The following TTC34 variants were observed in gnomAD, a reference collection of about 807,000 sequenced individuals.
TTC34 encodes tetratricopeptide repeat protein 34.
In TTC34, 44 loss-of-function variants were observed where a neutral mutation model predicts 40.7. That is an observed-to-expected ratio of 1.08 (90% CI 0.85 to 1.39). The LOEUF (loss-of-function observed/expected upper bound fraction) is 1.39, where lower values mean the gene tolerates loss of function less well. Among genes scored for constraint, TTC34 ranks in the 40% most tolerant of loss-of-function variants. TTC34 has a pLI of 0.00. For missense variants in TTC34, 884 were observed against 838.0 expected (o/e 1.05, Z -0.68); for synonymous variants, 422 against 398.6 (o/e 1.06, Z -0.70).
At chr1:2,655,519 G>C (rs1307490581) in intron 6 of TTC34, among the ~76,000 whole-genome samples, 3 of 145,168 alleles carry the variant, frequency 2.1e-5, no homozygotes, top group African/African-American at 2.6e-5. Context: ...TGACAGGCTG[G>C]AGCAGCACGC....
In TTC34 at chr1:2,750,527, C is replaced by G. The variant is rs1641281237; in HGVS notation, c.2226+33082G>C. Among the ~76,000 whole-genome samples the G allele has an allele frequency of 5.6e-5, 8 of 143,256 alleles. 2 individuals are homozygous for G. The highest frequency in any genetic ancestry group is 1.3e-4 in the African/African-American group (5 of 37,042). The allele number at this position is 143,256 out of a possible 152,430, so 94.0% of individuals were successfully genotyped here. On this transcript the variant is annotated intron_variant, in intron 6 of 8. Coordinates refer to ENST00000401095, the Ensembl canonical transcript of TTC34. ...ACAGCCTGGATCAGCACCCACATCC[C>G]CAAGCGAGCATCCGACAGCCTGGGG...
At chr1:2,651,509 C>A (rs530322013) in intron 6 of TTC34, among the ~76,000 whole-genome samples, 4 of 152,090 alleles carry the variant, frequency 2.6e-5, no homozygotes, top group South Asian at 4.1e-4. Context: ...CCTAGAATGG[C>A]ACCACCACAC....
intron 2 of TTC34, among the ~76,000 whole-genome samples, chr1:2,799,701 G>A (rs1311154329): frequency 6.6e-6 from 1 of 152,068 alleles, no homozygotes; most frequent in Admixed American, 6.5e-5. Context: ...AGTCGCCCTG[G>A]CCCCCTCAGT....
chr1:2,760,193 C>T (rs1641650836), intron 6 of TTC34, among the ~76,000 whole-genome samples: 2 of 124,670 alleles, frequency 1.6e-5, no homozygotes, highest in Non-Finnish European at 3.2e-5. Flanking sequence ...CCCGGAGCAG[C>T]ACCCATACCC....
chr1:2,756,930 T>C (rs1439184885), intron 6 of TTC34, among the ~76,000 whole-genome samples: 1 of 59,824 alleles, frequency 1.7e-5, no homozygotes, highest in African/African-American at 4.2e-5. Flanking sequence ...TCTGACAGCC[T>C]GGAACAGAAC....
Position 2,796,217 on chromosome 1 carries a change from G to A in TTC34, c.784+3827C>T, listed in dbSNP as rs57136100. Among the ~76,000 whole-genome samples, 2,588 of 152,278 alleles carry A rather than the reference G, an allele frequency of 0.017. 60 individuals carry two copies. The highest frequency in any genetic ancestry group is 0.058 in the African/African-American group (2,407 of 41,558). On this transcript the variant is annotated intron_variant, in intron 2 of 8. Transcript: ENST00000401095. This position sits in a 1 kb window ranked among gnomAD's most constrained non-coding sequence, Gnocchi z 4.5. ...CTACTCATTATGGATCACCCAGCCCGTGGCATTCTGTCACAGCAGCACAAA... is the reference window on the plus strand; with the variant it reads ...CTACTCATTATGGATCACCCAGCCCATGGCATTCTGTCACAGCAGCACAAA...
intron 6 of TTC34, among the ~76,000 whole-genome samples, chr1:2,686,970 G>GTGCGCGTGTGATGGTCCGGAGCAACA (rs1640388397): frequency 1.4e-5 from 2 of 141,502 alleles, no homozygotes; most frequent in African/African-American, 5.5e-5. Flanking sequence ...ACACTGCCAG[G>GTGCGCGTGTGATGGTCCGGAGCAACA]CGAGCATCCG....
intron 2 of TTC34, among the ~76,000 whole-genome samples, chr1:2,793,407 T>A (rs1441659683): frequency 1.3e-5 from 2 of 152,234 alleles, no homozygotes; most frequent in African/African-American, 4.8e-5. Flanking sequence ...CATTGTATAT[T>A]TTGCAAGCAT....
chr1:2,756,620 C>T (rs1641514118), intron 6 of TTC34, among the ~76,000 whole-genome samples: 12 of 152,200 alleles, frequency 7.9e-5, no homozygotes, highest in Non-Finnish European at 4.4e-5. Context: ...TGGAACAGCA[C>T]CCACACCCCC....
intron 6 of TTC34, among the ~76,000 whole-genome samples, chr1:2,685,689 G>T (rs1640302763): frequency 6.8e-6 from 1 of 147,152 alleles, no homozygotes; most frequent in African/African-American, 2.6e-5. Context: ...CCCCAGGCGA[G>T]CATCTGACAG....
intron 6 of TTC34, among the ~76,000 whole-genome samples, chr1:2,765,764 G>T (rs1641770873): frequency 1.2e-4 from 5 of 41,216 alleles, no homozygotes; most frequent in South Asian, 1.3e-3. Context: ...ACCCCCAGGT[G>T]AGCATGTGAC....
intron 6 of TTC34, among the ~76,000 whole-genome samples, chr1:2,697,163 A>C (rs28368363): frequency 3.0e-3 from 93 of 30,676 alleles, no homozygotes; most frequent in Middle Eastern, 0.026. Context: ...GCACCCACAC[A>C]CCCAGGTGAG....
At chr1:2,767,442 C>G (rs1166429931) in intron 6 of TTC34, among the ~76,000 whole-genome samples, 20 of 143,714 alleles carry the variant, frequency 1.4e-4, no homozygotes, top group African/African-American at 5.1e-4. Context: ...GCATCCTCAC[C>G]TCCAGGTGAG....
At chr1:2,648,524 A>G (rs371711783) in intron 6 of TTC34, among the ~76,000 whole-genome samples, 36 of 152,226 alleles carry the variant, frequency 2.4e-4, no homozygotes, top group African/African-American at 8.0e-4. Flanking sequence ...GTGCCTGGAA[A>G]CATTTGCTCA....
At chr1:2,677,885 G>A (rs796754466) in intron 6 of TTC34, among the ~76,000 whole-genome samples, 5 of 4,620 alleles carry the variant, frequency 1.1e-3, no homozygotes, top group East Asian at 0.028. Context: ...TGGAACCGCA[G>A]CCACACCCCC....
chr1:2,656,382 G>A (rs1319623475), intron 6 of TTC34, among the ~76,000 whole-genome samples: 10 of 96,598 alleles, frequency 1.0e-4, no homozygotes, highest in African/African-American at 8.9e-5. Context: ...ACACCCACAG[G>A]TGAGCATCTG....
chr1:2,645,702 C>T lies in TTC34; in HGVS notation c.2227-139G>A, dbSNP rs1177707592. On this transcript the variant is annotated intron_variant, in intron 6 of 8. Coordinates refer to ENST00000401095, the Ensembl canonical transcript of TTC34. The surrounding 1 kb of genome is among the most constrained non-coding windows in gnomAD (Gnocchi z 4.7). The stretch of plus-strand genomic sequence containing the variant: ...GGTCCTAGAGGGTCTGAACACCCAG[C>T]TTCCTGCCCCTTCCTGCTTCTCTGT... 1.6e-5 allele frequency: 12 copies of T among 745,586 alleles called. No homozygotes were observed. Among genetic ancestry groups the T allele is most frequent in the Non-Finnish European group, 2.1e-5 (11 of 523,242 alleles). The allele number at this position is 745,586 out of a possible 1,614,324, so 46.2% of individuals were successfully genotyped here. A position where few individuals can be genotyped will look rare whatever the true frequency, so the allele number is the denominator to read the frequency against.
chr1:2,776,443 GC>G (rs1643171270), intron 6 of TTC34: 1 of 115,114 alleles, frequency 8.7e-6, no homozygotes, highest in Non-Finnish European at 1.7e-5. Context: ...CAAGACCACT[GC>G]CCCCAGGTGA....
At chr1:2,786,772 C>T (rs1349751038) in intron 4 of TTC34, among the ~76,000 whole-genome samples, 8 of 152,184 alleles carry the variant, frequency 5.3e-5, no homozygotes, top group African/African-American at 1.2e-4. Context: ...GTCCCCTCTC[C>T]GCGACTCCAT....
Sources: allele counts gnomAD v4.1 joint callset (sites outside exome capture counted in the v4.1 genomes callset), GRCh38; gene constraint gnomAD v4.1.1; non-coding constraint Gnocchi (gnomAD v3.1); transcripts MANE v1.5; gene names NCBI Gene and HGNC (gene_info 2026-07-23, HGNC 2026-07-21).